Variants in TENT5D observed in about 807,000 individuals in gnomAD.
The protein encoded by TENT5D is terminal nucleotidyltransferase 5D, also known as cancer/testis antigen 112.
For synonymous variants in TENT5D, 103 were observed against 100.6 expected (o/e 1.02, Z -0.15); for missense variants, 191 against 287.0 (o/e 0.67, Z 2.42).
At chrX:80,429,998 T>C (rs938816972) in intron 1 of TENT5D, among the ~76,000 whole-genome samples, 10 of 110,630 alleles carry the variant, frequency 9.0e-5, no homozygotes, top group Admixed American at 1.9e-4. Flanking sequence ...TCCTGCTTTT[T>C]TTTTTTTCTT....
chrX:80,405,863 G>A (rs762510572), intron 3 of TENT5D, among the ~76,000 whole-genome samples: 1 of 111,596 alleles, frequency 9.0e-6, no homozygotes, highest in South Asian at 3.7e-4. Flanking sequence ...TGACAGCTTT[G>A]AAGAGAGCAG....
chrX:80,357,182 T>A (rs1485784518), intron 3 of TENT5D, among the ~76,000 whole-genome samples: 1 of 112,223 alleles, frequency 8.9e-6, no homozygotes, highest in Non-Finnish European at 1.9e-5. Context: ...TTGGGTTGGT[T>A]CCAAATCTTT....
chrX:80,351,351 GT>G (rs906696768), intron 3 of TENT5D, among the ~76,000 whole-genome samples: 12 of 103,403 alleles, frequency 1.2e-4, no homozygotes, highest in Admixed American at 5.3e-4. Flanking sequence ...CCGTTTCAAT[GT>G]TTTTTTTTTC....
chrX:80,394,626 TCAAGTGATCCACC>T (rs1265251199), intron 3 of TENT5D, among the ~76,000 whole-genome samples: 3 of 110,293 alleles, frequency 2.7e-5, no homozygotes, highest in African/African-American at 9.9e-5. Context: ...ACTCCCAACC[TCAAGTGATCCACC>T]CACCTCAGCC....
upstream of TENT5D, among the ~76,000 whole-genome samples, chrX:80,418,439 T>C (rs1931820340): frequency 2.7e-5 from 3 of 111,834 alleles, no homozygotes; most frequent in Admixed American, 2.9e-4. Flanking sequence ...AAAAAGTATA[T>C]GTATCCAAAA....
chrX:80,439,129 A>G (rs186642177), intron 2 of TENT5D, among the ~76,000 whole-genome samples: 1 of 111,685 alleles, frequency 9.0e-6, no homozygotes, highest in African/African-American at 3.2e-5. Flanking sequence ...AATGTGAACT[A>G]CTGCTGATCT....
At chrX:80,426,030 AAAT>A (rs1360363125) in intron 1 of TENT5D, among the ~76,000 whole-genome samples, 5 of 110,044 alleles carry the variant, frequency 4.5e-5, no homozygotes, top group African/African-American at 1.7e-4. Context: ...CCATCTCAAA[AAAT>A]AATAATAATA....
At chrX:80,388,859 C>T (rs67695623) in intron 3 of TENT5D, among the ~76,000 whole-genome samples, 12,347 of 110,798 alleles carry the variant, frequency 0.11, 772 homozygotes, top group African/African-American at 0.23. Flanking sequence ...CAAGTTTATG[C>T]AGGACTCCAG....
intron 3 of TENT5D, among the ~76,000 whole-genome samples, chrX:80,406,232 A>G (rs1254605809): frequency 8.9e-6 from 1 of 112,567 alleles, no homozygotes; most frequent in Non-Finnish European, 1.9e-5. Context: ...CACCAGCAAC[A>G]GAACAAAGCT....
At chrX:80,362,353 C>T (rs779671355) in intron 3 of TENT5D, among the ~76,000 whole-genome samples, 2 of 110,699 alleles carry the variant, frequency 1.8e-5, no homozygotes, top group East Asian at 2.9e-4. Context: ...TTAATAGAGA[C>T]GAGGTTTCAC....
chrX:80,407,506 G>A lies in TENT5D; in HGVS notation c.-141-31104G>A, dbSNP rs1439872542. On this transcript the variant is annotated intron_variant, in intron 3 of 4. Transcript: ENST00000538312. ...ACAAAAATCAAAAGAGACAAAGAAG[G>A]CCATTACATAATGGTAAAGGGATCA... 2.7e-4 allele frequency among the ~76,000 whole-genome samples: 29 copies of A among 108,306 alleles called. 1 individual carries two copies. The highest frequency in any genetic ancestry group is 5.7e-5 in the Non-Finnish European group (3 of 52,188). The allele number at this position is 108,306 out of a possible 115,157, so 94.1% of individuals were successfully genotyped here. A position where few individuals can be genotyped will look rare whatever the true frequency, so the allele number is the denominator to read the frequency against.
At chrX:80,410,731 A>G (rs1259993528) in intron 3 of TENT5D, among the ~76,000 whole-genome samples, 2 of 108,616 alleles carry the variant, frequency 1.8e-5, no homozygotes, top group African/African-American at 6.7e-5. Context: ...TGACCCAGCC[A>G]TCCCATTACT....
chrX:80,356,512 A>G (rs1438487955), intron 3 of TENT5D, among the ~76,000 whole-genome samples: 1 of 111,587 alleles, frequency 9.0e-6, no homozygotes, highest in East Asian at 2.8e-4. Flanking sequence ...TGGTGTAATT[A>G]CAAGTTAGTT....
chrX:80,409,205 C>G (rs1489236880), intron 3 of TENT5D, among the ~76,000 whole-genome samples: 1 of 110,979 alleles, frequency 9.0e-6, no homozygotes, highest in East Asian at 2.8e-4. Context: ...GGGATGCCCT[C>G]TCTCACCACT....
At position 80,445,031 on chromosome X, in the gene TENT5D, G is replaced by A. The variant is rs184740330; in HGVS notation, c.*1322G>A. On this transcript the variant is annotated 3_prime_UTR_variant, in exon 3 of 3. Coordinates refer to ENST00000308293, the Ensembl canonical transcript of TENT5D. ...CATTTCAGTTTTTATTGACCATCAC[G>A]TTTTCTATCACAACATGACCTGACA... The A allele has an allele frequency of 3.3e-5, 4 of 121,959 alleles. No homozygotes were observed. In the East Asian group the frequency reaches 8.5e-4, roughly 26 times the overall value. The allele number at this position is 121,959 out of a possible 1,213,427, so 10.1% of individuals were successfully genotyped here. A position where few individuals can be genotyped will look rare whatever the true frequency, so the allele number is the denominator to read the frequency against.
At chrX:80,372,387 TTTAAC>T (rs1161243717) in intron 3 of TENT5D, among the ~76,000 whole-genome samples, 1 of 111,999 alleles carries the variant, frequency 8.9e-6, no homozygotes, top group African/African-American at 3.2e-5. Context: ...TTTTTGCAAA[TTTAAC>T]TTCACAAAAG....
intron 3 of TENT5D, among the ~76,000 whole-genome samples, chrX:80,376,075 T>A (rs1176939456): frequency 9.0e-6 from 1 of 111,293 alleles, no homozygotes; most frequent in African/African-American, 3.2e-5. Context: ...CAGTGTTTTT[T>A]TTTTCTTTGA....
At chrX:80,338,229 A>G (rs192373974) in intron 2 of TENT5D, among the ~76,000 whole-genome samples, 292 of 111,950 alleles carry the variant, frequency 2.6e-3, no homozygotes, top group Middle Eastern at 9.3e-3. Flanking sequence ...CCGTTAGAAC[A>G]GGGCTACAAT....
At chrX:80,428,018 A>G (rs1448414329) in intron 1 of TENT5D, among the ~76,000 whole-genome samples, 2 of 112,679 alleles carry the variant, frequency 1.8e-5, no homozygotes, top group African/African-American at 3.2e-5. Context: ...TAACTTAAAT[A>G]TCCACTTTTA....
Sources: allele counts gnomAD v4.1 joint callset (sites outside exome capture counted in the v4.1 genomes callset), GRCh38; gene constraint gnomAD v4.1.1; transcripts MANE v1.5; gene names NCBI Gene and HGNC (gene_info 2026-07-23, HGNC 2026-07-21).